ZNF746: variants seen among roughly 807,000 people sequenced by gnomAD.
The protein encoded by ZNF746 is zinc finger protein 746, also known as parkin-interacting substrate.
A neutral mutation model predicts 41.0 loss-of-function variants in ZNF746; 13 were observed. The observed-to-expected ratio is 0.32, with a 90% confidence interval of 0.21 to 0.50. The LOEUF is 0.50. ZNF746 is among the 20% of genes least tolerant of loss of function. The pLI is 0.98. For synonymous variants in ZNF746, 424 were observed against 396.2 expected (o/e 1.07, Z -0.83); for missense variants, 811 against 922.9 (o/e 0.88, Z 1.57).
At chr7:149,490,235 C>T (rs1019968728) in intron 4 of ZNF746, 1 of 152,364 alleles carries the variant, frequency 6.6e-6, no homozygotes, top group Non-Finnish European at 1.5e-5. Context: ...CAGCTGTGCA[C>T]CATACAGAAA....
In ZNF746 at chr7:149,497,164, G is replaced by A; in HGVS notation, c.24+349C>T. 3 of 985,352 alleles carry A rather than the reference G, an allele frequency of 3.0e-6. No individual in the cohort carries two copies. Among genetic ancestry groups the A allele is most frequent in the East Asian group, 1.1e-4 (1 of 8,760 alleles). 61.0% of individuals were successfully genotyped at this position (985,352 alleles called of 1,614,324 possible). ...GGGGGAGATGGAGAGGGACCTACAG[G>A]CCGAGCGCCAGGCAGAGAAAGGAGC... On this transcript the variant is annotated intron_variant, in intron 1 of 6. Transcript: ENST00000458143. The surrounding 1 kb of genome is among the most constrained non-coding windows in gnomAD (Gnocchi z 4.2).
intron 4 of ZNF746, chr7:149,487,678 ATAAC>A (rs1266329146): frequency 2.0e-5 from 3 of 152,216 alleles, no homozygotes; most frequent in South Asian, 4.1e-4. Flanking sequence ...TACACCTGAA[ATAAC>A]TAATACATCT....
At chr7:149,490,300 G>A (rs1800758976) in intron 4 of ZNF746, 2 of 152,270 alleles carry the variant, frequency 1.3e-5, no homozygotes, top group Non-Finnish European at 2.9e-5. Context: ...GGGCTAAGGA[G>A]ACACGGTGTG....
At position 149,497,410 on chromosome 7, in the gene ZNF746, C is replaced by T; in HGVS notation, c.24+103G>A. 7.8e-6 allele frequency: 8 copies of T among 1,019,716 alleles called. No homozygotes were observed. Among genetic ancestry groups the T allele is most frequent in the Admixed American group, 5.7e-5 (1 of 17,664 alleles). The allele number at this position is 1,019,716 out of a possible 1,614,324, so 63.2% of individuals were successfully genotyped here. On this transcript the variant is annotated intron_variant, in intron 1 of 6. Coordinates refer to ENST00000458143, the MANE Select transcript of ZNF746 (RefSeq NM_001394198.1). This position sits in a 1 kb window ranked among gnomAD's most constrained non-coding sequence, Gnocchi z 4.2. ...GAGCCCCAGGCCCGGTGGTCCGGCC[C>T]GGACCCCGGAACCCCTCCCCAGGGC...
intron 5 of ZNF746, 127 bp from the exon 6 acceptor site, chr7:149,477,174 G>A (rs4725816): frequency 0.25 from 291,493 of 1,183,978 alleles, 36,775 homozygotes; most frequent in Middle Eastern, 0.34. Flanking sequence ...TGGGCACGAG[G>A]ACCCAACCTC....
At chr7:149,484,919 C>G (rs901891420) in intron 4 of ZNF746, among the ~76,000 whole-genome samples, 16 of 151,916 alleles carry the variant, frequency 1.1e-4, no homozygotes, top group African/African-American at 3.9e-4. Context: ...TCTTCCTTAT[C>G]AAGGGTCTTA....
intron 4 of ZNF746, chr7:149,491,605 G>T: frequency 2.2e-6 from 1 of 452,890 alleles, no homozygotes; most frequent in Non-Finnish European, 4.0e-6. Flanking sequence ...CTGGCAAAGC[G>T]GCCAGCCCGG....
Position 149,493,982 on chromosome 7 carries a change from G to T in ZNF746, c.451+7C>A. 6.2e-7 allele frequency: 1 copy of T among 1,614,174 alleles called. No individual in the cohort carries two copies. The highest frequency in any genetic ancestry group is 8.5e-7 in the Non-Finnish European group (1 of 1,180,030). On this transcript the variant is annotated splice_region_variant and intron_variant, in intron 3 of 6. Coordinates refer to ENST00000458143, the MANE Select transcript of ZNF746 (RefSeq NM_001394198.1). ...CATTTAACAGAGAAATGAGTGTCAG[G>T]CCTTACCCAGGGAGACCAGCGTCTC...
chr7:149,474,362 G>A lies in ZNF746; in HGVS notation c.*22C>T, dbSNP rs748321083. ...GGGCTTTTTACACGTGCGGCCGGCA[G>A]GGGCTATGGGGCTGGAGGCGCTCAC... On this transcript the variant is annotated 3_prime_UTR_variant, in exon 7 of 7. Coordinates refer to ENST00000458143, the MANE Select transcript of ZNF746 (RefSeq NM_001394198.1). The surrounding 1 kb of genome is among the most constrained non-coding windows in gnomAD (Gnocchi z 6.3). 14 of 1,590,530 alleles carry A rather than the reference G, an allele frequency of 8.8e-6. No individual in the cohort carries two copies. Among genetic ancestry groups the A allele is most frequent in the East Asian group, 2.3e-5 (1 of 43,694 alleles).
At chr7:149,493,742 T>C (rs1800889669) in intron 3 of ZNF746, among the ~76,000 whole-genome samples, 1 of 152,074 alleles carries the variant, frequency 6.6e-6, no homozygotes, top group Admixed American at 6.6e-5. Context: ...AAGGTCCACA[T>C]CCCGGGCCTG....
intron 4 of ZNF746, chr7:149,488,391 T>C (rs987408257): frequency 6.6e-6 from 1 of 152,096 alleles, no homozygotes; most frequent in Non-Finnish European, 1.5e-5. Context: ...AAGACTGACA[T>C]GTTTGACTCT....
chr7:149,474,864 T>C lies in ZNF746; in HGVS notation c.1503A>G (p.Thr501=). The C allele has an allele frequency of 2.7e-6, 4 of 1,467,176 alleles. No individual in the cohort carries two copies. Among genetic ancestry groups the C allele is most frequent in the Non-Finnish European group, 3.6e-6 (4 of 1,116,414 alleles). 90.9% of individuals were successfully genotyped at this position (1,467,176 alleles called of 1,614,324 possible). ...CGCCACTGCCGCTGCCGCCACCGCC[T>C]GTGCCCGGGCCCGACCCGTCGGGCG... ...CGAPDGSGPG[T]GGGGSGSGGG... The change falls in exon 7 of 7, where the codon ACA becomes ACG. Residue 501 remains threonine (T), a synonymous_variant. Transcript: ENST00000458143. This position sits in a 1 kb window ranked among gnomAD's most constrained non-coding sequence, Gnocchi z 6.3.
At position 149,494,912 on chromosome 7, in the gene ZNF746, T is replaced by A; in HGVS notation, c.25-409A>T. On this transcript the variant is annotated intron_variant, in intron 1 of 6. Transcript: ENST00000458143. The surrounding 1 kb of genome is among the most constrained non-coding windows in gnomAD (Gnocchi z 5.6). ...GCTGGGCATTTTAGTGGAGAAATGG[T>A]AAACTGCAGATTTACTAGAGCGCAG... Among the ~76,000 whole-genome samples, 1 of 151,938 alleles carries A rather than the reference T, an allele frequency of 6.6e-6. No homozygotes were observed. The highest frequency in any genetic ancestry group is 1.9e-4 in the East Asian group (1 of 5,166).
At chr7:149,493,937 T>G in intron 3 of ZNF746, 52 bp downstream of exon 3, 1 of 1,614,024 alleles carries the variant, frequency 6.2e-7, no homozygotes, top group Non-Finnish European at 8.5e-7. Context: ...GAGGGAGAAT[T>G]CTGAGGACTT....
In ZNF746 at chr7:149,473,955, C is replaced by T. The variant is rs1800187428; in HGVS notation, c.*429G>A. On this transcript the variant is annotated 3_prime_UTR_variant, in exon 7 of 7. Coordinates refer to ENST00000458143, the MANE Select transcript of ZNF746 (RefSeq NM_001394198.1). ...GCAGGGGCACACACAGGACCCCATC[C>T]CCAGGAGTCAGTGGGCCAGGGGTCC... 1 of 252,906 alleles carries T rather than the reference C, an allele frequency of 4.0e-6. No individual in the cohort carries two copies. Among genetic ancestry groups the T allele is most frequent in the African/African-American group, 2.3e-5 (1 of 42,690 alleles). The allele number at this position is 252,906 out of a possible 1,614,324, so 15.7% of individuals were successfully genotyped here.
chr7:149,493,021 G>A (rs201089117), intron 3 of ZNF746, 49 bp from the exon 4 acceptor site: 192 of 1,280,568 alleles, frequency 1.5e-4, no homozygotes, highest in Non-Finnish European at 2.0e-4. Context: ...GTCAAAGCTG[G>A]GGACAGTCAT....
In ZNF746 at chr7:149,474,549, C is replaced by G. The variant is rs748636306; in HGVS notation, c.1818G>C (p.Ala606=). ...GGCCTCGGGCCGGGGTCTTGGCGCC[C>G]GCTGCATGGTTGCGCTGGTGCTTGC... ...HLRKHQRNHA[A]GAKTPARGQP... The change falls in exon 7 of 7, where the codon GCG becomes GCC. Residue 606 remains alanine (A), a synonymous_variant. Coordinates refer to ENST00000458143, the MANE Select transcript of ZNF746 (RefSeq NM_001394198.1). The surrounding 1 kb of genome is among the most constrained non-coding windows in gnomAD (Gnocchi z 6.3). 7 of 1,608,550 alleles carry G rather than the reference C, an allele frequency of 4.4e-6. No homozygotes were observed. Among genetic ancestry groups the G allele is most frequent in the Non-Finnish European group, 5.9e-6 (7 of 1,177,636 alleles).
chr7:149,496,053 C>T (rs186093255), intron 1 of ZNF746, among the ~76,000 whole-genome samples: 2 of 152,290 alleles, frequency 1.3e-5, no homozygotes, highest in East Asian at 3.9e-4. Context: ...GTCACGTGAT[C>T]CCAGACGCCA....
intron 4 of ZNF746, chr7:149,488,316 T>C (rs1800687004): frequency 6.6e-6 from 1 of 152,168 alleles, no homozygotes; most frequent in Non-Finnish European, 1.5e-5. Flanking sequence ...GAAGAGTATC[T>C]TTCTGACCTT....
Sources: allele counts gnomAD v4.1 joint callset (sites outside exome capture counted in the v4.1 genomes callset), GRCh38; gene constraint gnomAD v4.1.1; non-coding constraint Gnocchi (gnomAD v3.1); transcripts MANE v1.5; gene names NCBI Gene and HGNC (gene_info 2026-07-23, HGNC 2026-07-21).